FSTL4: variants seen among roughly 807,000 people sequenced by gnomAD.
FSTL4 encodes follistatin-related protein 4.
A neutral mutation model predicts 78.2 loss-of-function variants in FSTL4; 28 were observed. The observed-to-expected ratio is 0.36, with a 90% CI of 0.27 to 0.49. The LOEUF is 0.49. Ranked by LOEUF, FSTL4 falls within the 20% of genes least tolerant of loss-of-function variation. FSTL4 has a pLI of 0.98. For missense variants in FSTL4, 922 were observed against 1,084.9 expected, an observed-to-expected ratio of 0.85 and a Z score of 2.11; for synonymous variants, 422 against 440.5, an observed-to-expected ratio of 0.96 and a Z score of 0.53.
At chr5:133,686,623 C>A in the FSTL4 span, among the ~76,000 whole-genome samples, 1 of 152,228 alleles carries the variant, frequency 6.6e-6, no homozygotes, top group Non-Finnish European at 1.5e-5. Context: ...CTGTCAATAC[C>A]TGCAGGCCAG....
At chr5:133,840,638 C>T in the FSTL4 span, among the ~76,000 whole-genome samples, 2 of 152,200 alleles carry the variant, frequency 1.3e-5, no homozygotes, top group Non-Finnish European at 2.9e-5. Flanking sequence ...TTAGCAGCAG[C>T]AAAGTCAACC....
chr5:133,352,812 A>G (rs1159920903), intron 4 of FSTL4, among the ~76,000 whole-genome samples: 2 of 152,024 alleles, frequency 1.3e-5, no homozygotes, highest in African/African-American at 4.8e-5. Context: ...GTAGTATTCC[A>G]TGGTGTGTAT....
chr5:133,324,161 T>C (rs1010298994), intron 4 of FSTL4, among the ~76,000 whole-genome samples: 7 of 152,248 alleles, frequency 4.6e-5, no homozygotes, highest in African/African-American at 1.7e-4. Context: ...CTTGTGCCCC[T>C]GCCAGACTGT....
At chr5:133,445,446 T>A (rs1424746505) in intron 3 of FSTL4, among the ~76,000 whole-genome samples, 2 of 152,182 alleles carry the variant, frequency 1.3e-5, no homozygotes, top group African/African-American at 4.8e-5. Flanking sequence ...TCTGGCCTCG[T>A]CTGGGTCACC....
chr5:133,562,246 A>T (rs1268059252), intron 3 of FSTL4, among the ~76,000 whole-genome samples: 1 of 152,238 alleles, frequency 6.6e-6, no homozygotes. Context: ...CATTGAAGAC[A>T]GTCAGCCACT....
intron 3 of FSTL4, among the ~76,000 whole-genome samples, chr5:133,516,083 T>G (rs901512185): frequency 1.3e-5 from 2 of 152,192 alleles, no homozygotes; most frequent in Non-Finnish European, 2.9e-5. Context: ...GAGGACTTAT[T>G]CTAAGAGTTC....
intron 5 of FSTL4, among the ~76,000 whole-genome samples, chr5:133,315,288 C>T (rs1753877552): frequency 6.6e-6 from 1 of 152,212 alleles, no homozygotes; most frequent in Non-Finnish European, 1.5e-5. Context: ...ACATTGTCTC[C>T]CAAGGTCCAC....
At chr5:133,204,834 C>CAAAAAAA (rs33932730) in intron 14 of FSTL4, among the ~76,000 whole-genome samples, 2 of 129,074 alleles carry the variant, frequency 1.5e-5, no homozygotes, top group Non-Finnish European at 3.3e-5. Flanking sequence ...GATTCTGTCT[C>CAAAAAAA]AAAAAAAAAA....
chr5:133,450,399 G>A (rs983769555), intron 3 of FSTL4, among the ~76,000 whole-genome samples: 8 of 152,240 alleles, frequency 5.3e-5, no homozygotes, highest in South Asian at 4.1e-4. Flanking sequence ...TAATGGCTGG[G>A]GGAGGCTATG....
chr5:133,639,336 G>A, the FSTL4 span, among the ~76,000 whole-genome samples: 1 of 152,168 alleles, frequency 6.6e-6, no homozygotes, highest in Admixed American at 6.5e-5. Context: ...AGTAGTCGGT[G>A]CTCTATAAAT....
the FSTL4 span, among the ~76,000 whole-genome samples, chr5:133,703,330 C>A: frequency 6.6e-6 from 1 of 152,214 alleles, no homozygotes; most frequent in Non-Finnish European, 1.5e-5. Flanking sequence ...GGGGCTCCTG[C>A]ATAGCCATCA....
At chr5:133,644,782 C>A in the FSTL4 span, among the ~76,000 whole-genome samples, 1 of 152,140 alleles carries the variant, frequency 6.6e-6, no homozygotes, top group Non-Finnish European at 1.5e-5. Flanking sequence ...AGAGGCTGAC[C>A]TCTATGGATT....
chr5:133,614,077 A>G (rs994604777), upstream of FSTL4, among the ~76,000 whole-genome samples: 1 of 152,206 alleles, frequency 6.6e-6, no homozygotes, highest in Non-Finnish European at 1.5e-5. Flanking sequence ...TCCCTCTGAA[A>G]TGTAATTCTA....
At chr5:133,753,717 G>A in the FSTL4 span, among the ~76,000 whole-genome samples, 3 of 140,910 alleles carry the variant, frequency 2.1e-5, no homozygotes. Context: ...GTGTGTGTGT[G>A]TGTGTGTGTG....
chr5:133,408,524 G>C (rs1756417026), intron 3 of FSTL4, among the ~76,000 whole-genome samples: 1 of 151,616 alleles, frequency 6.6e-6, no homozygotes, highest in South Asian at 2.1e-4. Context: ...GCTGCTGTGG[G>C]GGAGCTGACC....
intron 3 of FSTL4, among the ~76,000 whole-genome samples, chr5:133,534,754 GCCCAGCTGTCCCCAGCATCACATC>G (rs952276200): frequency 2.0e-5 from 3 of 151,778 alleles, no homozygotes; most frequent in African/African-American, 7.3e-5. Context: ...TCCCTCACAC[GCCCAGCTGTCCCCAGCATCACATC>G]CCCAGCTGTC....
chr5:133,514,444 A>C (rs1278424704), intron 3 of FSTL4, among the ~76,000 whole-genome samples: 4 of 152,212 alleles, frequency 2.6e-5, no homozygotes, highest in African/African-American at 9.6e-5. Flanking sequence ...AATGATACAA[A>C]ACTCAGTCAA....
the FSTL4 span, among the ~76,000 whole-genome samples, chr5:133,657,641 AT>A: frequency 6.6e-6 from 1 of 152,118 alleles, no homozygotes. Flanking sequence ...TCCTTGAAAA[AT>A]ATGTAGTGTT....
chr5:133,283,239 CGTGTGTGTGTGTGT>C (rs112657706), intron 6 of FSTL4, among the ~76,000 whole-genome samples: 1 of 148,698 alleles, frequency 6.7e-6, no homozygotes, highest in Non-Finnish European at 1.5e-5. Context: ...TTAAGCCTAG[CGTGTGTGTGTGTGT>C]GTGTGTGTGT....
Sources: allele counts gnomAD v4.1 joint callset (sites outside exome capture counted in the v4.1 genomes callset), GRCh38; gene constraint gnomAD v4.1.1; transcripts MANE v1.5; gene names NCBI Gene and HGNC (gene_info 2026-07-23, HGNC 2026-07-21).